GPC6: variants seen among roughly 807,000 people sequenced by gnomAD.
GPC6 encodes the protein glypican-6.
Under a neutral mutation model 55.2 loss-of-function variants are expected in GPC6, and 14 were observed. That is an observed-to-expected ratio of 0.25 (90% CI 0.17 to 0.40). GPC6 has a LOEUF of 0.40. GPC6 is among the 10% of genes least tolerant of loss of function. The pLI, the probability that GPC6 is intolerant of heterozygous loss-of-function variation, is 1.00. For missense variants in GPC6, 641 were observed against 708.5 expected (o/e 0.90, Z 1.08); for synonymous variants, 278 against 259.6 (o/e 1.07, Z -0.68).
intron 4 of GPC6, among the ~76,000 whole-genome samples, chr13:94,222,421 T>C (rs1419046036): frequency 6.6e-6 from 1 of 152,122 alleles, no homozygotes; most frequent in South Asian, 2.1e-4. Context: ...CTGGAGAACA[T>C]GTCACTAATC....
rs1214764330 is a variant in GPC6, at chr13:93,988,309, C to A, written c.712-39420C>A. 2.0e-5 allele frequency among the ~76,000 whole-genome samples: 3 copies of A among 152,150 alleles called. No homozygotes were observed. In the East Asian group the frequency reaches 5.8e-4, roughly 29 times the overall value. The stretch of plus-strand genomic sequence containing the variant: ...CCCCATGGCCTGAAATCTGCCTCCT[C>A]CTTCTTCATCTGTTGCTATCCCCAG... On this transcript the variant is annotated intron_variant, in intron 3 of 8. Coordinates refer to ENST00000377047, the MANE Select transcript of GPC6 (RefSeq NM_005708.5).
intron 4 of GPC6, among the ~76,000 whole-genome samples, chr13:94,108,627 G>A (rs1208990912): frequency 1.3e-5 from 2 of 152,026 alleles, no homozygotes; most frequent in Non-Finnish European, 2.9e-5. Context: ...GATCAACTGA[G>A]GTCAGGAGTT....
chr13:94,340,580 C>A (rs538005686), intron 6 of GPC6, among the ~76,000 whole-genome samples: 184 of 152,230 alleles, frequency 1.2e-3, no homozygotes, highest in Non-Finnish European at 1.5e-3. Context: ...GTGATAGATA[C>A]ATGTGTATAC....
At chr13:93,399,594 A>G (rs1191832461) in intron 1 of GPC6, among the ~76,000 whole-genome samples, 1 of 152,250 alleles carries the variant, frequency 6.6e-6, no homozygotes, top group Non-Finnish European at 1.5e-5. Context: ...ATCAGAAAAG[A>G]AATGTGAGTG....
intron 1 of GPC6, among the ~76,000 whole-genome samples, chr13:93,291,250 A>C (rs1057234199): frequency 2.0e-5 from 3 of 152,044 alleles, no homozygotes; most frequent in Non-Finnish European, 4.4e-5. Flanking sequence ...TTTGACCCAT[A>C]AGTTTGTTAT....
At chr13:93,584,255 ATAACT>A (rs1181074982) in intron 2 of GPC6, among the ~76,000 whole-genome samples, 6 of 152,174 alleles carry the variant, frequency 3.9e-5, no homozygotes, top group African/African-American at 1.4e-4. Context: ...TGGGTGACTA[ATAACT>A]TTATTTTTAA....
intron 1 of GPC6, among the ~76,000 whole-genome samples, chr13:93,428,865 C>T (rs2139271374): frequency 6.6e-6 from 1 of 152,216 alleles, no homozygotes. Context: ...AAACTATTCA[C>T]CCATTTTGGA....
At chr13:93,653,107 C>A (rs2139601252) in intron 2 of GPC6, among the ~76,000 whole-genome samples, 1 of 152,226 alleles carries the variant, frequency 6.6e-6, no homozygotes, top group Non-Finnish European at 1.5e-5. Context: ...AGAGAGAGAA[C>A]CAGACACTTT....
At position 94,076,707 on chromosome 13, in the gene GPC6, G is replaced by C. The variant is rs1399463869; in HGVS notation, c.877+48813G>C. ...TCATTCTTTTTAATGTGAATGTCCAGTTTTCCCAACACCACTTGAAGAGAC... is the reference window on the plus strand; with the variant it reads ...TCATTCTTTTTAATGTGAATGTCCACTTTTCCCAACACCACTTGAAGAGAC... On this transcript the variant is annotated intron_variant, in intron 4 of 8. Coordinates refer to ENST00000377047, the MANE Select transcript of GPC6 (RefSeq NM_005708.5). Among the ~76,000 whole-genome samples, 5 of 151,846 alleles carry C rather than the reference G, an allele frequency of 3.3e-5. No homozygotes were observed. The East Asian group carries it at 7.7e-4, about 23-fold the overall frequency.
intron 1 of GPC6, among the ~76,000 whole-genome samples, chr13:93,256,983 T>G (rs1876974381): frequency 6.6e-6 from 1 of 152,056 alleles, no homozygotes; most frequent in Admixed American, 6.6e-5. Flanking sequence ...CTTCCTTGCC[T>G]TTTGCCTGTA....
intron 2 of GPC6, among the ~76,000 whole-genome samples, chr13:93,617,710 A>G (rs1878783335): frequency 6.6e-6 from 1 of 152,110 alleles, no homozygotes; most frequent in South Asian, 2.1e-4. Context: ...GGAAAATAAC[A>G]TTCTATGATA....
intron 3 of GPC6, among the ~76,000 whole-genome samples, chr13:93,909,256 C>G (rs1009588014): frequency 6.6e-6 from 1 of 152,132 alleles, no homozygotes; most frequent in Non-Finnish European, 1.5e-5. Context: ...AAAACACACT[C>G]TATTCAAAGT....
At chr13:93,672,342 T>A (rs551778285) in intron 2 of GPC6, among the ~76,000 whole-genome samples, 154 of 152,076 alleles carry the variant, frequency 1.0e-3, no homozygotes, top group African/African-American at 3.4e-3. Context: ...GGTGGCTTTT[T>A]CATGAGTCCA....
intron 1 of GPC6, among the ~76,000 whole-genome samples, chr13:93,347,581 T>C (rs1420946782): frequency 2.6e-5 from 4 of 152,202 alleles, no homozygotes; most frequent in African/African-American, 9.6e-5. Flanking sequence ...TAATGCTTCC[T>C]ATATCATGCC....
chr13:94,375,108 A>G (rs2139198183), intron 6 of GPC6, among the ~76,000 whole-genome samples: 1 of 150,970 alleles, frequency 6.6e-6, no homozygotes, highest in East Asian at 2.0e-4. Flanking sequence ...AAGAGACAGC[A>G]GGAAAGATCC....
chr13:94,095,683 G>T (rs868264106), intron 4 of GPC6, among the ~76,000 whole-genome samples: 1 of 152,114 alleles, frequency 6.6e-6, no homozygotes, highest in African/African-American at 2.4e-5. Context: ...GTTTGTTAAC[G>T]AAAGAGTCAT....
At chr13:93,380,101 AG>A (rs1343735962) in intron 1 of GPC6, among the ~76,000 whole-genome samples, 2 of 152,158 alleles carry the variant, frequency 1.3e-5, no homozygotes, top group African/African-American at 4.8e-5. Flanking sequence ...AATATGCAGG[AG>A]AAAATATCTC....
intron 3 of GPC6, among the ~76,000 whole-genome samples, chr13:93,987,725 C>G (rs1594644836): frequency 6.6e-6 from 1 of 152,138 alleles, no homozygotes; most frequent in African/African-American, 2.4e-5. Context: ...CCTTCTTTTA[C>G]TCTTCCTAAT....
chr13:93,300,666 A>T (rs1398359947), intron 1 of GPC6, among the ~76,000 whole-genome samples: 2 of 142,596 alleles, frequency 1.4e-5, no homozygotes, highest in African/African-American at 2.7e-5. Context: ...AAAAAAAAAG[A>T]ATAGGAATGA....
Sources: gnomAD v4.1 joint callset for allele counts (sites outside exome capture counted in the v4.1 genomes callset) on GRCh38, gnomAD v4.1.1 for gene constraint, MANE v1.5 for transcripts, NCBI Gene and HGNC (gene_info 2026-07-23, HGNC 2026-07-21) for gene names.